Variants in DCAF8L2 observed in about 807,000 individuals in gnomAD.
DCAF8L2 encodes the protein DDB1- and CUL4-associated factor 8-like protein 2.
For missense variants in DCAF8L2, 430 were observed against 490.7 expected (o/e 0.88, Z 1.17); for synonymous variants, 200 against 190.9 (o/e 1.05, Z -0.39).
the DCAF8L2 span, among the ~76,000 whole-genome samples, chrX:27,573,584 G>T: frequency 9.0e-6 from 1 of 111,474 alleles, no homozygotes; most frequent in Non-Finnish European, 1.9e-5. Flanking sequence ...GAAGATAGAG[G>T]ATGTTTGAAA....
At chrX:27,585,472 C>T (rs1306615821), upstream of DCAF8L2, among the ~76,000 whole-genome samples, 1 of 111,915 alleles carries the variant, frequency 8.9e-6, no homozygotes, top group Non-Finnish European at 1.9e-5. Flanking sequence ...TCTTCTCACT[C>T]ATACTCCATC....
intron 2 of DCAF8L2, chrX:27,633,287 C>A (rs1439587700): frequency 8.9e-6 from 1 of 112,087 alleles, no homozygotes; most frequent in Admixed American, 9.5e-5. Flanking sequence ...TTATAATTTT[C>A]TTGATGCCCA....
chrX:27,479,112 G>A, the DCAF8L2 span, among the ~76,000 whole-genome samples: 1 of 110,382 alleles, frequency 9.1e-6, no homozygotes, highest in Non-Finnish European at 1.9e-5. Context: ...GGCACTCTCT[G>A]GTTTTTCTCT....
chrX:27,600,027 T>C (rs1926565086), intron 1 of DCAF8L2, among the ~76,000 whole-genome samples: 1 of 112,069 alleles, frequency 8.9e-6, no homozygotes, highest in African/African-American at 3.2e-5. Context: ...AAATGAATGA[T>C]TATTCTAAAT....
At chrX:27,643,837 T>C (rs1031150568) in intron 2 of DCAF8L2, among the ~76,000 whole-genome samples, 1 of 111,719 alleles carries the variant, frequency 9.0e-6, no homozygotes, top group African/African-American at 3.3e-5. Flanking sequence ...TTGATTGGAC[T>C]ATGAGTGAAA....
intron 3 of DCAF8L2, among the ~76,000 whole-genome samples, chrX:27,697,927 G>T (rs1930987861): frequency 9.0e-6 from 1 of 111,045 alleles, no homozygotes; most frequent in Non-Finnish European, 1.9e-5. Flanking sequence ...TCATACAATT[G>T]TCATAAGTAT....
chrX:27,553,407 T>C, the DCAF8L2 span, among the ~76,000 whole-genome samples: 171 of 111,657 alleles, frequency 1.5e-3, 1 homozygote, highest in Non-Finnish European at 2.8e-3. Flanking sequence ...TCTACTAATA[T>C]TTGCTTTATA....
intron 2 of DCAF8L2, among the ~76,000 whole-genome samples, chrX:27,651,980 G>C (rs1412111506): frequency 3.6e-5 from 4 of 109,859 alleles, no homozygotes; most frequent in African/African-American, 6.6e-5. Context: ...AATAAGTGAA[G>C]TCAACTTTTA....
the DCAF8L2 span, among the ~76,000 whole-genome samples, chrX:27,524,481 C>A: frequency 3.2e-4 from 36 of 111,104 alleles, no homozygotes; most frequent in African/African-American, 1.0e-3. Context: ...AAAAAACCAG[C>A]TCCTGGATTC....
chrX:27,626,377 G>A (rs1224147878), intron 1 of DCAF8L2, among the ~76,000 whole-genome samples: 1 of 112,124 alleles, frequency 8.9e-6, no homozygotes, highest in Non-Finnish European at 1.9e-5. Context: ...GTGCTTCCCT[G>A]TTAGGTGAGC....
the DCAF8L2 span, among the ~76,000 whole-genome samples, chrX:27,566,874 C>G: frequency 5.5e-5 from 6 of 109,991 alleles, no homozygotes; most frequent in Non-Finnish European, 1.1e-4. Context: ...ATAAACTTCC[C>G]TCTTAGTGCT....
rs1170253991 is a variant in DCAF8L2, at chrX:27,651,505, CTTTTTTTTTTTT to C, written c.-220+19516_-220+19527del. On this transcript the variant is annotated intron_variant, in intron 2 of 4. Transcript: ENST00000451261. ...TAATAAAAATGAAAAAGTAGATAAC[CTTTTTTTTTTTT>C]TTTTTTTTTTGAGACGGAGTCTTGC... Among the ~76,000 whole-genome samples the C allele has an allele frequency of 6.8e-5, 6 of 88,216 alleles. No homozygotes were observed. In the South Asian group the frequency reaches 3.1e-3, roughly 45 times the overall value. The allele number at this position is 88,216 out of a possible 115,157, so 76.6% of individuals were successfully genotyped here.
At chrX:27,733,039 AG>A (rs1921309824) in intron 4 of DCAF8L2, among the ~76,000 whole-genome samples, 1 of 110,066 alleles carries the variant, frequency 9.1e-6, no homozygotes, top group Non-Finnish European at 1.9e-5. Context: ...TTATATTTTT[AG>A]TAGAGACTGG....
rs183239519 is a variant in DCAF8L2 at position 27,703,442 on chromosome X, G to C, written c.-142-12646G>C. On this transcript the variant is annotated intron_variant, in intron 3 of 4. Transcript: ENST00000451261. ...TTTCAAAACTTACTACAATGCTAAA[G>C]TACCCAAGACAGTAAAGTTCTGGCA... Among the ~76,000 whole-genome samples the C allele has an allele frequency of 3.8e-3, 427 of 111,398 alleles. 2 individuals are homozygous for C. Among genetic ancestry groups the C allele is most frequent in the African/African-American group, 0.013 (400 of 30,739 alleles).
the DCAF8L2 span, among the ~76,000 whole-genome samples, chrX:27,576,839 G>T: frequency 6.4e-4 from 72 of 111,817 alleles, no homozygotes; most frequent in East Asian, 0.016. Context: ...TGAGGAAATA[G>T]TGATTTTTCT....
At chrX:27,498,127 T>G in the DCAF8L2 span, among the ~76,000 whole-genome samples, 1 of 112,626 alleles carries the variant, frequency 8.9e-6, no homozygotes, top group Non-Finnish European at 1.9e-5. Flanking sequence ...TAAATAGTAC[T>G]GCTATAAATA....
intron 1 of DCAF8L2, among the ~76,000 whole-genome samples, chrX:27,611,886 T>C (rs1927200410): frequency 9.0e-6 from 1 of 111,430 alleles, no homozygotes; most frequent in African/African-American, 3.3e-5. Context: ...CTATTGTGAA[T>C]AGTGCTGCAA....
the DCAF8L2 span, chrX:27,517,657 G>T: frequency 1.7e-6 from 1 of 603,888 alleles, no homozygotes; most frequent in Non-Finnish European, 2.8e-6. Flanking sequence ...AGTCAAACTG[G>T]TATAAGTGCT....
chrX:27,502,332 AAAAATAT>A, the DCAF8L2 span, among the ~76,000 whole-genome samples: 50 of 34,019 alleles, frequency 1.5e-3, no homozygotes, highest in African/African-American at 6.2e-3. Flanking sequence ...AAAAAAAAAA[AAAAATAT>A]ATATATATAT....
Sources: allele counts gnomAD v4.1 joint callset (sites outside exome capture counted in the v4.1 genomes callset), GRCh38; gene constraint gnomAD v4.1.1; transcripts MANE v1.5; gene names NCBI Gene and HGNC (gene_info 2026-07-23, HGNC 2026-07-21).